The following PREX1 variants were observed in gnomAD, a reference collection of about 807,000 sequenced individuals.
PREX1 encodes phosphatidylinositol-3,4,5-trisphosphate dependent Rac exchange factor 1.
In PREX1, 41 loss-of-function variants were observed where a neutral mutation model predicts 198.3. That is an observed-to-expected ratio of 0.21 (90% confidence interval 0.16 to 0.27). The LOEUF (loss-of-function observed/expected upper bound fraction) is 0.27. Among genes scored for constraint, PREX1 ranks in the 10% least tolerant of loss-of-function variants. The pLI, the probability that PREX1 is intolerant of heterozygous loss-of-function variation, is 1.00. For missense variants in PREX1, 1,620 were observed against 2,200.7 expected (o/e 0.74, Z 5.28); for synonymous variants, 843 against 887.2 (o/e 0.95, Z 0.89).
chr20:48,657,761 A>C (rs1212258437), intron 17 of PREX1, among the ~76,000 whole-genome samples: 5 of 151,698 alleles, frequency 3.3e-5, no homozygotes, highest in African/African-American at 1.2e-4. Context: ...GGCCAGCCAC[A>C]CCCTCACTCT....
intron 6 of PREX1, among the ~76,000 whole-genome samples, chr20:48,703,484 G>C (rs1275754999): frequency 6.6e-6 from 1 of 152,156 alleles, no homozygotes; most frequent in Non-Finnish European, 1.5e-5. Context: ...GCATCCTCGC[G>C]AACTCCCTGG....
chr20:48,738,989 G>C lies in PREX1; in HGVS notation c.415-4339C>G, dbSNP rs116890407. Among the ~76,000 whole-genome samples, 64 of 152,276 alleles carry C rather than the reference G, an allele frequency of 4.2e-4. 2 individuals are homozygous for C. In the East Asian group the frequency reaches 9.1e-3, roughly 22 times the overall value. On this transcript the variant is annotated intron_variant, in intron 3 of 39. Transcript: ENST00000371941. ...TCCATACAGCTGTGGGGAGAGGGGG[G>C]TTAAAACAGAAATCAGACCACACTA...
chr20:48,637,624 C>T (rs1430137299), intron 31 of PREX1, 87 bp downstream of exon 31: 23 of 1,336,424 alleles, frequency 1.7e-5, no homozygotes, highest in East Asian at 5.1e-5. Context: ...TGCCTCCCCC[C>T]GTCCAGGCCC....
intron 1 of PREX1, among the ~76,000 whole-genome samples, chr20:48,776,146 C>G (rs1601129109): frequency 6.6e-6 from 1 of 152,124 alleles, no homozygotes. Flanking sequence ...CCCCTCACCC[C>G]CTGAGGCTTA....
chr20:48,688,967 CT>C (rs2089801616), intron 9 of PREX1, among the ~76,000 whole-genome samples, 163 bp from the exon 10 acceptor site: 1 of 152,218 alleles, frequency 6.6e-6, no homozygotes, highest in South Asian at 2.1e-4. Flanking sequence ...AGGGCACTGA[CT>C]GTCGCTGCCC....
the PREX1 span, among the ~76,000 whole-genome samples, chr20:48,862,790 A>AAAATATAT: frequency 8.4e-3 from 859 of 102,504 alleles, 18 homozygotes; most frequent in African/African-American, 0.024. Flanking sequence ...TAAAAAAAAA[A>AAAATATAT]ATATATATAT....
At position 48,644,504 on chromosome 20, in the gene PREX1, AG is replaced by A; in HGVS notation, c.3513-8del. On this transcript the variant is annotated splice_region_variant and splice_polypyrimidine_tract_variant and intron_variant, in intron 26 of 39. Coordinates refer to ENST00000371941, the MANE Select transcript of PREX1 (RefSeq NM_020820.4). ...TCGATTGCTGTTACACTCGCTGCAAAGGGGCCCAGAGAAGGGGCTGAGTCAC... is the reference window on the plus strand; with the variant it reads ...TCGATTGCTGTTACACTCGCTGCAAAGGGCCCAGAGAAGGGGCTGAGTCAC... 1 of 1,612,052 alleles carries A rather than the reference AG, an allele frequency of 6.2e-7. No individual in the cohort carries two copies. The highest frequency in any genetic ancestry group is 8.5e-7 in the Non-Finnish European group (1 of 1,178,784).
the PREX1 span, among the ~76,000 whole-genome samples, chr20:48,848,943 G>T: frequency 6.6e-6 from 1 of 151,956 alleles, no homozygotes; most frequent in Non-Finnish European, 1.5e-5. Context: ...TCACCATATT[G>T]GTCAGGCTGG....
At chr20:48,668,633 G>A (rs1191329535) in intron 14 of PREX1, among the ~76,000 whole-genome samples, 1 of 152,174 alleles carries the variant, frequency 6.6e-6, no homozygotes, top group African/African-American at 2.4e-5. Flanking sequence ...TCAGCCCTGG[G>A]CAGAAGGCCT....
At chr20:48,653,534 G>GC in intron 19 of PREX1, 37 bp from the exon 20 acceptor site, 1 of 1,584,076 alleles carries the variant, frequency 6.3e-7, no homozygotes, top group Non-Finnish European at 8.6e-7. Flanking sequence ...TGGATGCCAG[G>GC]CAAGTACAAG....
intron 1 of PREX1, among the ~76,000 whole-genome samples, chr20:48,781,204 C>T (rs2090288385): frequency 6.6e-6 from 1 of 152,074 alleles, no homozygotes; most frequent in Non-Finnish European, 1.5e-5. Context: ...GGGAAACTAA[C>T]AAAATTCTAC....
chr20:48,672,578 C>T (rs113631960), intron 14 of PREX1, among the ~76,000 whole-genome samples: 4 of 152,270 alleles, frequency 2.6e-5, no homozygotes, highest in African/African-American at 7.2e-5. Context: ...TGCGCCCACG[C>T]GGCTTCCTCG....
chr20:48,707,314 G>GGGCAGGAAGGCCC (rs542401904), intron 6 of PREX1, among the ~76,000 whole-genome samples: 112 of 152,258 alleles, frequency 7.4e-4, no homozygotes, highest in African/African-American at 2.7e-3. Context: ...AGCCTCGGCT[G>GGGCAGGAAGGCCC]GGCAGGAAGG....
chr20:48,773,576 T>C (rs922657844), intron 1 of PREX1, among the ~76,000 whole-genome samples: 1 of 152,098 alleles, frequency 6.6e-6, no homozygotes, highest in Non-Finnish European at 1.5e-5. Context: ...TGTGGCTATC[T>C]AGGGGAGACT....
At chr20:48,661,435 AAAAAAAAAAATAT>A (rs2089591118) in intron 15 of PREX1, among the ~76,000 whole-genome samples, 1 of 108,672 alleles carries the variant, frequency 9.2e-6, no homozygotes, top group African/African-American at 5.2e-5. Context: ...AAAAAAAAAA[AAAAAAAAAAATAT>A]ATATATATAT....
At chr20:48,751,070 T>C (rs1368672619) in intron 1 of PREX1, among the ~76,000 whole-genome samples, 11 of 152,226 alleles carry the variant, frequency 7.2e-5, no homozygotes, top group African/African-American at 2.4e-5. Context: ...CCAAATGTAG[T>C]GCTCAGCAAA....
intron 2 of PREX1, 55 bp from the exon 3 acceptor site, chr20:48,745,202 G>A (rs1412559489): frequency 1.3e-6 from 2 of 1,539,872 alleles, no homozygotes; most frequent in African/African-American, 2.8e-5. Context: ...GGAGAGCAAA[G>A]CCAAGCACTG....
intron 1 of PREX1, among the ~76,000 whole-genome samples, chr20:48,779,181 A>AAAAACTTGAACATTTTCT: frequency 6.6e-6 from 1 of 152,218 alleles, no homozygotes; most frequent in Non-Finnish European, 1.5e-5. Context: ...TAATGGATTA[A>AAAAACTTGAACATTTTCT]AAAACTTGAA....
At chr20:48,884,089 C>T in the PREX1 span, among the ~76,000 whole-genome samples, 1 of 147,814 alleles carries the variant, frequency 6.8e-6, no homozygotes, top group Non-Finnish European at 1.5e-5. Flanking sequence ...TGCAGTGAGC[C>T]GAGATCACCA....
Sources: gnomAD v4.1 joint callset for allele counts (sites outside exome capture counted in the v4.1 genomes callset) on GRCh38, gnomAD v4.1.1 for gene constraint, MANE v1.5 for transcripts, NCBI Gene and HGNC (gene_info 2026-07-23, HGNC 2026-07-21) for gene names.